Variants in TMEM117 observed in about 807,000 individuals in gnomAD.
TMEM117 encodes the protein transmembrane protein 117.
TMEM117 carries 27 observed loss-of-function variants against 52.4 expected under a neutral mutation model. The ratio of observed to expected loss-of-function variants is 0.51; its 90% CI spans 0.38 to 0.71. TMEM117 has a LOEUF of 0.71. Ranked by LOEUF, TMEM117 falls within the 30% of genes least tolerant of loss-of-function variation. The probability of loss-of-function intolerance (pLI) is 0.00; values close to 1 mark genes in which losing one functional copy is unlikely to be tolerated. For synonymous variants in TMEM117, 215 were observed against 206.3 expected (o/e 1.04, Z -0.36); for missense variants, 556 against 630.5 (o/e 0.88, Z 1.26).
intron 4 of TMEM117, among the ~76,000 whole-genome samples, chr12:44,204,383 T>A (rs1031420377): frequency 3.9e-5 from 6 of 152,060 alleles, no homozygotes; most frequent in African/African-American, 1.4e-4. Flanking sequence ...GTATCTACAA[T>A]GAGAATTAGA....
At chr12:43,997,415 T>C (rs1341927170) in intron 3 of TMEM117, among the ~76,000 whole-genome samples, 1 of 152,188 alleles carries the variant, frequency 6.6e-6, no homozygotes, top group Non-Finnish European at 1.5e-5. Flanking sequence ...TTCCTTTTTT[T>C]CTACTTGAAT....
chr12:43,969,028 T>G (rs1486374537), intron 3 of TMEM117, among the ~76,000 whole-genome samples: 1 of 151,992 alleles, frequency 6.6e-6, no homozygotes, highest in Non-Finnish European at 1.5e-5. Context: ...TAAAAAGATA[T>G]AATAAAACTG....
At chr12:44,361,607 C>T (rs1310648926) in intron 6 of TMEM117, among the ~76,000 whole-genome samples, 2 of 152,004 alleles carry the variant, frequency 1.3e-5, no homozygotes, top group African/African-American at 4.8e-5. Context: ...TTTTACTTCC[C>T]ACCGCGCATC....
intron 4 of TMEM117, among the ~76,000 whole-genome samples, chr12:44,155,705 G>A (rs766929901): frequency 1.2e-4 from 19 of 152,058 alleles, no homozygotes; most frequent in South Asian, 8.3e-4. Context: ...ACCAGAGATC[G>A]TGTTTCTTGT....
chr12:44,121,449 T>A (rs1481613804), intron 3 of TMEM117, among the ~76,000 whole-genome samples: 1 of 152,202 alleles, frequency 6.6e-6, no homozygotes, highest in Non-Finnish European at 1.5e-5. Context: ...CAAGTCAGCG[T>A]AAAGATGACG....
At chr12:44,320,591 G>A (rs1177014986) in intron 6 of TMEM117, among the ~76,000 whole-genome samples, 5 of 151,954 alleles carry the variant, frequency 3.3e-5, no homozygotes, top group Admixed American at 6.6e-5. Context: ...GTTGATTACC[G>A]AATTCTGCCT....
intron 2 of TMEM117, among the ~76,000 whole-genome samples, chr12:43,927,571 G>T (rs1944799860): frequency 6.7e-6 from 1 of 150,280 alleles, no homozygotes; most frequent in Non-Finnish European, 1.5e-5. Flanking sequence ...ACAGTATTTT[G>T]AATCTATCTT....
intron 4 of TMEM117, among the ~76,000 whole-genome samples, chr12:44,165,153 A>G (rs1036501253): frequency 2.6e-5 from 4 of 152,162 alleles, no homozygotes; most frequent in Admixed American, 2.6e-4. Context: ...CAACTTTTTT[A>G]GCTCCACATA....
At position 44,110,214 on chromosome 12, in the gene TMEM117, G is replaced by C. The variant is rs866845574; in HGVS notation, c.411-33311G>C. Among the ~76,000 whole-genome samples, 608 of 146,808 alleles carry C rather than the reference G, an allele frequency of 4.1e-3. 6 individuals carry two copies. The highest frequency in any genetic ancestry group is 0.015 in the African/African-American group (575 of 38,662). ...TACCCTTTATTTCCTTCTCCTGCCT[G>C]ATTGCCCTGGCCAGAACTTCCAACA... On this transcript the variant is annotated intron_variant, in intron 3 of 7. Coordinates refer to ENST00000266534, the MANE Select transcript of TMEM117 (RefSeq NM_032256.3).
the TMEM117 span, chr12:43,805,967 G>C: frequency 6.5e-7 from 1 of 1,547,486 alleles, no homozygotes; most frequent in Non-Finnish European, 8.7e-7. Flanking sequence ...CGCCTCGAAA[G>C]CCAATTTCCT....
chr12:43,881,790 C>CA (rs58734580), intron 2 of TMEM117, among the ~76,000 whole-genome samples: 4,163 of 41,986 alleles, frequency 0.099, 444 homozygotes, highest in African/African-American at 0.15. Context: ...ACTCTTGTCT[C>CA]AAAAAAAAAA....
intron 3 of TMEM117, among the ~76,000 whole-genome samples, chr12:44,140,480 A>C (rs1254135680): frequency 6.6e-6 from 1 of 152,118 alleles, no homozygotes; most frequent in African/African-American, 2.4e-5. Flanking sequence ...AAGATAGCCA[A>C]AATAGCTTCC....
chr12:44,191,037 G>A (rs1268824373), intron 4 of TMEM117, among the ~76,000 whole-genome samples: 4 of 151,370 alleles, frequency 2.6e-5, no homozygotes. Context: ...TAAAGAAAGA[G>A]GTTTAATTAA....
At chr12:44,289,754 A>G (rs545396330) in intron 5 of TMEM117, among the ~76,000 whole-genome samples, 6 of 151,846 alleles carry the variant, frequency 4.0e-5, no homozygotes, top group Admixed American at 1.3e-4. Flanking sequence ...GGGTTTCACT[A>G]TGTTGGCCAG....
rs1464483380 is a variant in TMEM117 at position 44,388,120 on chromosome 12, G to A, written c.993G>A (p.Gly331=). 3 of 1,612,988 alleles carry A rather than the reference G, an allele frequency of 1.9e-6. No individual in the cohort carries two copies. The highest frequency in any genetic ancestry group is 1.7e-6 in the Non-Finnish European group (2 of 1,179,500). The stretch of plus-strand genomic sequence containing the variant: ...TATTTTATAAACCTCATGAATATGG[G>A]CAATATATCGGCCCGGGGCAGAAGA... ...NQIFYKPHEY[G]QYIGPGQKIY... The change falls in exon 8 of 8, where the codon GGG becomes GGA. Residue 331 remains glycine, a synonymous_variant. Transcript: ENST00000266534.
intron 4 of TMEM117, among the ~76,000 whole-genome samples, chr12:44,210,655 C>T (rs934709515): frequency 6.6e-6 from 1 of 151,950 alleles, no homozygotes; most frequent in African/African-American, 2.4e-5. Flanking sequence ...GGGTCAAGAA[C>T]CACAAGTTTT....
intron 3 of TMEM117, among the ~76,000 whole-genome samples, chr12:44,065,253 C>T (rs1351368013): frequency 6.6e-6 from 1 of 151,916 alleles, no homozygotes; most frequent in Non-Finnish European, 1.5e-5. Context: ...GTGATGGGCA[C>T]CTGTAATCCC....
At chr12:44,393,890 T>C (rs1346316183), downstream of TMEM117, among the ~76,000 whole-genome samples, 1 of 152,168 alleles carries the variant, frequency 6.6e-6, no homozygotes, top group Non-Finnish European at 1.5e-5. Context: ...ACAACACAGA[T>C]TTGTCTCAAT....
chr12:44,363,818 G>C (rs1464818267), intron 6 of TMEM117, among the ~76,000 whole-genome samples: 2 of 152,150 alleles, frequency 1.3e-5, no homozygotes, highest in African/African-American at 4.8e-5. Context: ...GTAGTTGTTA[G>C]AGTGAATTTT....
Sources: allele counts gnomAD v4.1 joint callset (sites outside exome capture counted in the v4.1 genomes callset), GRCh38; gene constraint gnomAD v4.1.1; transcripts MANE v1.5; gene names NCBI Gene and HGNC (gene_info 2026-07-23, HGNC 2026-07-21).